The following CCDC158 variants were observed in gnomAD, a reference collection of about 807,000 sequenced individuals.
CCDC158 encodes the protein coiled-coil domain containing 158, also known as coiled-coil domain-containing protein 158.
A neutral mutation model predicts 138.6 loss-of-function variants in CCDC158; 116 were observed. That is an observed-to-expected ratio of 0.84 (90% CI 0.72 to 0.98). The LOEUF (loss-of-function observed/expected upper bound fraction) is 0.98. Ranked by LOEUF, CCDC158 falls within the 50% of genes least tolerant of loss-of-function variation. CCDC158 has a pLI of 0.00. For missense variants in CCDC158, 1,265 were observed against 1,306.1 expected, an observed-to-expected ratio of 0.97 and a Z score of 0.48; for synonymous variants, 436 against 442.4, an observed-to-expected ratio of 0.99 and a Z score of 0.18.
At chr4:76,371,046 C>T (rs1725187655) in intron 10 of CCDC158, among the ~76,000 whole-genome samples, 1 of 152,144 alleles carries the variant, frequency 6.6e-6, no homozygotes, top group African/African-American at 2.4e-5. Flanking sequence ...TCTTTTAAAA[C>T]AACTTCACCT....
At chr4:76,370,451 G>A (rs1026096114) in intron 10 of CCDC158, among the ~76,000 whole-genome samples, 2 of 152,178 alleles carry the variant, frequency 1.3e-5, no homozygotes, top group African/African-American at 4.8e-5. Flanking sequence ...TATTGAAAGG[G>A]AGGGTGTCTG....
chr4:76,396,448 T>C lies in CCDC158; in HGVS notation c.109A>G (p.Thr37Ala), dbSNP rs1218043391. 1.2e-6 allele frequency: 2 copies of C among 1,613,202 alleles called. No individual in the cohort carries two copies. Among genetic ancestry groups the C allele is most frequent in the South Asian group, 1.1e-5 (1 of 90,662 alleles). ...GCTGAAGATGTGTTTTCAATTATTG[T>C]ACCACGAATAGATGACACAAAAAAT... ...SSFFVSSIRG[T>A]IIENTSSAGT... is the part of the protein sequence containing the mutation. The change falls in exon 4 of 25, where the codon ACA becomes GCA. Residue 37 changes from threonine to alanine, a missense_variant. Coordinates refer to ENST00000682701, the MANE Select transcript of CCDC158 (RefSeq NM_001394954.1).
At chr4:76,359,794 G>A (rs1244570486) in intron 13 of CCDC158, among the ~76,000 whole-genome samples, 2 of 152,230 alleles carry the variant, frequency 1.3e-5, no homozygotes, top group African/African-American at 2.4e-5. Context: ...GAGCATAAAA[G>A]TTTGGAAAAT....
intron 3 of CCDC158, chr4:76,401,179 A>G (rs1313027623): frequency 3.2e-6 from 1 of 310,618 alleles, no homozygotes; most frequent in Non-Finnish European, 6.3e-6. Context: ...CTAGGAATAA[A>G]GGAGTGAGAT....
At chr4:76,334,797 C>T (rs1721321990) in intron 18 of CCDC158, among the ~76,000 whole-genome samples, 1 of 152,152 alleles carries the variant, frequency 6.6e-6, no homozygotes. Context: ...CAGGTAGACT[C>T]AGGCTATCCT....
At chr4:76,327,052 T>C (rs1054118905) in intron 22 of CCDC158, among the ~76,000 whole-genome samples, 2 of 152,262 alleles carry the variant, frequency 1.3e-5, no homozygotes, top group Non-Finnish European at 2.9e-5. Flanking sequence ...GTTGGAAGGA[T>C]AGTGAATGCA....
Position 76,382,702 on chromosome 4 carries a change from A to C in CCDC158, c.822T>G (p.Ser274Arg). ...GTCCTGTTATTTCAACTTCATGTTC[A>C]CTTATTAACTGCTCAATCCTATAAA... Reference protein sequence around the residue: ...QHQDRIEQLISEHEVEITGLT... With the variant: ...QHQDRIEQLIREHEVEITGLT... Residue 274 changes from serine to arginine, a missense_variant, in exon 8 of 25, where the codon AGT (serine) becomes AGG (arginine). Ser to Arg is a moderately radical substitution (Grantham distance 110). Coordinates refer to ENST00000682701, the MANE Select transcript of CCDC158 (RefSeq NM_001394954.1). The C allele has an allele frequency of 6.2e-7, 1 of 1,610,836 alleles. No homozygotes were observed. Among genetic ancestry groups the C allele is most frequent in the Non-Finnish European group, 8.5e-7 (1 of 1,177,394 alleles).
intron 12 of CCDC158, among the ~76,000 whole-genome samples, chr4:76,365,483 C>T (rs1035076048): frequency 6.6e-6 from 1 of 152,158 alleles, no homozygotes; most frequent in Non-Finnish European, 1.5e-5. Flanking sequence ...CAGATTAATC[C>T]ACTTCCAACA....
At chr4:76,385,401 T>A (rs1346563174) in intron 4 of CCDC158, among the ~76,000 whole-genome samples, 2 of 151,910 alleles carry the variant, frequency 1.3e-5, no homozygotes, top group Admixed American at 6.6e-5. Flanking sequence ...GAAGAACGCT[T>A]CAAAAACTTG....
chr4:76,337,751 G>A (rs1721657592), intron 18 of CCDC158, among the ~76,000 whole-genome samples: 1 of 151,856 alleles, frequency 6.6e-6, no homozygotes, highest in Non-Finnish European at 1.5e-5. Flanking sequence ...AAAAAAAGAA[G>A]AAAATAGCTA....
At position 76,331,369 on chromosome 4, in the gene CCDC158, T is replaced by C. The variant is rs1720992747; in HGVS notation, c.2917A>G (p.Ser973Gly). 1 of 1,614,050 alleles carries C rather than the reference T, an allele frequency of 6.2e-7. No individual in the cohort carries two copies. Among genetic ancestry groups the C allele is most frequent in the African/African-American group, 1.3e-5 (1 of 75,066 alleles). Residue 973 changes from serine (S) to glycine (G), a missense_variant, in exon 21 of 25, where the codon AGC becomes GGC. Transcript: ENST00000682701. The stretch of plus-strand genomic sequence containing the variant: ...CTACTAAGAGTTTCACTTGATTTGC[T>C]TCCTTCAGTGGAGTCCCTCAACGAG... ...NNSLRDSTEG[S>G]KSSETLSREP...
chr4:76,404,316 A>G (rs1357804080), intron 2 of CCDC158, among the ~76,000 whole-genome samples: 1 of 152,222 alleles, frequency 6.6e-6, no homozygotes, highest in Non-Finnish European at 1.5e-5. Context: ...AGCAGACTAT[A>G]TCTACTGCAA....
At chr4:76,420,338 A>C (rs972050131) in intron 1 of CCDC158, among the ~76,000 whole-genome samples, 22 of 152,302 alleles carry the variant, frequency 1.4e-4, no homozygotes, top group Middle Eastern at 3.4e-3. Flanking sequence ...AAACCTGGGC[A>C]ACAGCCGACC....
At chr4:76,417,524 A>C (rs1205057957) in intron 1 of CCDC158, among the ~76,000 whole-genome samples, 5 of 152,144 alleles carry the variant, frequency 3.3e-5, no homozygotes, top group African/African-American at 1.2e-4. Flanking sequence ...TGAACTGTAT[A>C]TCCCAGAATT....
chr4:76,339,484 T>C (rs1445581728), intron 18 of CCDC158, among the ~76,000 whole-genome samples: 1 of 152,242 alleles, frequency 6.6e-6, no homozygotes, highest in African/African-American at 2.4e-5. Flanking sequence ...ACAACCCAAA[T>C]TGACAAGTCT....
intron 18 of CCDC158, among the ~76,000 whole-genome samples, chr4:76,335,946 C>A (rs1343475703): frequency 3.3e-5 from 5 of 151,496 alleles, no homozygotes; most frequent in Non-Finnish European, 2.9e-5. Context: ...CTTTGGGAGG[C>A]CAAGGCAGGC....
intron 19 of CCDC158, 101 bp from the exon 20 acceptor site, chr4:76,332,592 T>C: frequency 2.2e-6 from 2 of 897,744 alleles, no homozygotes; most frequent in Non-Finnish European, 3.3e-6. Flanking sequence ...ATTTTTCTTT[T>C]AGTGACAGCT....
chr4:76,413,610 A>G (rs978010447), intron 1 of CCDC158, among the ~76,000 whole-genome samples: 5 of 152,188 alleles, frequency 3.3e-5, no homozygotes, highest in Non-Finnish European at 7.4e-5. Context: ...AGCACCCTGA[A>G]TATATATGTG....
intron 18 of CCDC158, among the ~76,000 whole-genome samples, chr4:76,335,599 A>T (rs769591218): frequency 1.3e-5 from 2 of 151,892 alleles, no homozygotes; most frequent in Non-Finnish European, 2.9e-5. Context: ...TTGTTTTTTG[A>T]GACAGAGTCC....
Sources: gnomAD v4.1 joint callset for allele counts (sites outside exome capture counted in the v4.1 genomes callset) on GRCh38, gnomAD v4.1.1 for gene constraint, MANE v1.5 for transcripts, NCBI Gene and HGNC (gene_info 2026-07-23, HGNC 2026-07-21) for gene names.